LSAMP: variants seen among roughly 807,000 people sequenced by gnomAD.
LSAMP encodes the protein limbic system-associated membrane protein.
In LSAMP, 7 loss-of-function variants were observed where a neutral mutation model predicts 38.6. That is an observed-to-expected ratio of 0.18 (90% CI 0.10 to 0.34). The LOEUF is 0.34. Ranked by LOEUF, LSAMP falls within the 10% of genes least tolerant of loss-of-function variation. The pLI is 1.00. For missense variants in LSAMP, 313 were observed against 420.0 expected, an observed-to-expected ratio of 0.75 and a Z score of 2.23; for synonymous variants, 154 against 166.8, an observed-to-expected ratio of 0.92 and a Z score of 0.59.
chr3:115,920,770 T>C (rs1360598608), intron 3 of LSAMP, among the ~76,000 whole-genome samples: 2 of 152,152 alleles, frequency 1.3e-5, no homozygotes, highest in East Asian at 3.8e-4. Flanking sequence ...GGATGTTCTA[T>C]CCATTATTTT....
intron 1 of LSAMP, among the ~76,000 whole-genome samples, chr3:116,162,646 A>T (rs1471882191): frequency 2.2e-5 from 3 of 137,318 alleles, no homozygotes; most frequent in Non-Finnish European, 4.5e-5. Context: ...TGTGTACATT[A>T]TATATATATA....
In LSAMP at chr3:115,808,089, C is replaced by G; in HGVS notation, c.*2228G>C. 1.1e-5 allele frequency: 1 copy of G among 93,636 alleles called. No individual in the cohort carries two copies. Among genetic ancestry groups the G allele is most frequent in the South Asian group, 5.0e-4 (1 of 2,008 alleles). 5.8% of individuals were successfully genotyped at this position (93,636 alleles called of 1,614,324 possible). A position where few individuals can be genotyped will look rare whatever the true frequency, so the allele number is the denominator to read the frequency against. ...TCCTGCCTTCCTTTCCTTTCTCCTT[C>G]CTTCCTTCCTTCCTTCCTTCCTCCC... is the stretch of plus-strand genomic sequence containing the variant. On this transcript the variant is annotated 3_prime_UTR_variant, in exon 7 of 7. Coordinates refer to ENST00000490035, the MANE Select transcript of LSAMP (RefSeq NM_002338.5).
chr3:116,405,343 G>A (rs937642318), intron 1 of LSAMP, among the ~76,000 whole-genome samples: 1 of 152,050 alleles, frequency 6.6e-6, no homozygotes, highest in Non-Finnish European at 1.5e-5. Context: ...ATTTCTATGA[G>A]GAACATGAGC....
At chr3:115,850,644 A>T (rs951726743) in intron 4 of LSAMP, among the ~76,000 whole-genome samples, 17 of 152,252 alleles carry the variant, frequency 1.1e-4, no homozygotes, top group Non-Finnish European at 2.5e-4. Flanking sequence ...ATTGGAAGAT[A>T]GCTAGGGATA....
At chr3:116,098,843 A>G (rs989562191) in intron 1 of LSAMP, among the ~76,000 whole-genome samples, 21 of 152,320 alleles carry the variant, frequency 1.4e-4, no homozygotes, top group African/African-American at 4.3e-4. Context: ...GAGCCGGATG[A>G]TCAAAAAGAA....
At chr3:116,104,398 TAA>T (rs375580353) in intron 1 of LSAMP, among the ~76,000 whole-genome samples, 24 of 139,892 alleles carry the variant, frequency 1.7e-4, no homozygotes, top group Admixed American at 2.9e-4. Flanking sequence ...AAGGCAATGT[TAA>T]AAAAAAAAAA....
intron 1 of LSAMP, among the ~76,000 whole-genome samples, chr3:116,444,305 T>C (rs2049473166): frequency 6.6e-6 from 1 of 151,692 alleles, no homozygotes; most frequent in African/African-American, 2.4e-5. Flanking sequence ...AGAAGATCCT[T>C]ACAGAAAGTC....
intron 3 of LSAMP, among the ~76,000 whole-genome samples, chr3:115,925,718 T>C (rs148155815): frequency 6.6e-6 from 1 of 152,176 alleles, no homozygotes; most frequent in Non-Finnish European, 1.5e-5. Flanking sequence ...TAAAATTTCA[T>C]TTTTAATTCT....
chr3:116,214,647 T>G (rs1355157701), intron 1 of LSAMP, among the ~76,000 whole-genome samples: 1 of 151,892 alleles, frequency 6.6e-6, no homozygotes, highest in Non-Finnish European at 1.5e-5. Flanking sequence ...GGATTACAGG[T>G]GCCCACCACC....
chr3:116,008,558 A>G (rs1940232185), intron 3 of LSAMP, among the ~76,000 whole-genome samples: 1 of 152,206 alleles, frequency 6.6e-6, no homozygotes, highest in Admixed American at 6.5e-5. Flanking sequence ...TTTGTACACT[A>G]GGCAACATTT....
intron 3 of LSAMP, among the ~76,000 whole-genome samples, chr3:115,908,044 G>A (rs1387627536): frequency 6.6e-6 from 1 of 152,024 alleles, no homozygotes; most frequent in Non-Finnish European, 1.5e-5. Context: ...TGAGCCCAAT[G>A]TATGAAATCC....
At chr3:115,929,574 T>C (rs577630818) in intron 3 of LSAMP, among the ~76,000 whole-genome samples, 1 of 152,312 alleles carries the variant, frequency 6.6e-6, no homozygotes, top group South Asian at 2.1e-4. Context: ...ATATGGTTTC[T>C]AAAATTTGTT....
chr3:116,250,892 G>C (rs1395725384), intron 1 of LSAMP, among the ~76,000 whole-genome samples: 1 of 151,942 alleles, frequency 6.6e-6, no homozygotes, highest in East Asian at 1.9e-4. Context: ...GTGTTGGGGG[G>C]AACAAAAGAA....
chr3:116,366,312 C>T (rs541623043), intron 1 of LSAMP, among the ~76,000 whole-genome samples: 1 of 152,226 alleles, frequency 6.6e-6, no homozygotes, highest in East Asian at 1.9e-4. Flanking sequence ...ACTGGATTGC[C>T]TACAGCCAAT....
At chr3:116,214,499 CTTTTTTTTTT>C (rs59630662) in intron 1 of LSAMP, among the ~76,000 whole-genome samples, 1 of 103,284 alleles carries the variant, frequency 9.7e-6, no homozygotes, top group Non-Finnish European at 1.9e-5. Context: ...AAAAATGGGT[CTTTTTTTTTT>C]TTTTTTTTTT....
Position 115,806,468 on chromosome 3 carries a change from A to G in LSAMP, c.*3849T>C, listed in dbSNP as rs760312965. 2.6e-5 allele frequency: 4 copies of G among 152,234 alleles called. No individual in the cohort carries two copies. The highest frequency in any genetic ancestry group is 5.9e-5 in the Non-Finnish European group (4 of 68,044). 9.4% of individuals were successfully genotyped at this position (152,234 alleles called of 1,614,324 possible). A position where few individuals can be genotyped will look rare whatever the true frequency, so the allele number is the denominator to read the frequency against. The stretch of plus-strand genomic sequence containing the variant: ...GGAATCTGCGACTCTGGAGGATTCA[A>G]GAAGCTCACAACTTGGTAAAGTAAT... On this transcript the variant is annotated 3_prime_UTR_variant, in exon 7 of 7. Transcript: ENST00000490035.
At chr3:116,411,219 G>A (rs1430014860) in intron 1 of LSAMP, among the ~76,000 whole-genome samples, 3 of 152,170 alleles carry the variant, frequency 2.0e-5, no homozygotes, top group East Asian at 1.9e-4. Flanking sequence ...TCAGTATGGC[G>A]ATGCCTCAGG....
chr3:116,088,756 A>G (rs973189107), intron 1 of LSAMP, among the ~76,000 whole-genome samples: 6 of 152,198 alleles, frequency 3.9e-5, no homozygotes, highest in Admixed American at 2.0e-4. Context: ...TATGGCTCCA[A>G]TCTCTTCACT....
At chr3:116,356,425 T>G (rs997278953) in intron 1 of LSAMP, among the ~76,000 whole-genome samples, 3 of 152,186 alleles carry the variant, frequency 2.0e-5, no homozygotes, top group Non-Finnish European at 4.4e-5. Flanking sequence ...ACCAGAGGTT[T>G]GGAAGAATGG....
Sources: allele counts gnomAD v4.1 joint callset (sites outside exome capture counted in the v4.1 genomes callset), GRCh38; gene constraint gnomAD v4.1.1; transcripts MANE v1.5; gene names NCBI Gene and HGNC (gene_info 2026-07-23, HGNC 2026-07-21).